The following BRWD1 variants were observed in gnomAD, a reference collection of about 807,000 sequenced individuals.
The protein encoded by BRWD1 is bromodomain and WD repeat-containing protein 1.
Under a neutral mutation model 251.2 loss-of-function variants are expected in BRWD1, and 82 were observed. The ratio of observed to expected loss-of-function variants is 0.33; its 90% CI spans 0.27 to 0.39. The LOEUF is 0.39. Among genes scored for constraint, BRWD1 ranks in the 10% least tolerant of loss-of-function variants. The pLI, the probability that BRWD1 is intolerant of heterozygous loss-of-function variation, is 1.00. For synonymous variants in BRWD1, 918 were observed against 902.8 expected (o/e 1.02, Z -0.30); for missense variants, 2,233 against 2,711.6 (o/e 0.82, Z 3.92).
rs1318842332 is a variant in BRWD1, at chr21:39,313,266, G to A, written c.83C>T (p.Ala28Val). The change falls in exon 2 of 41, where the codon GCG (alanine) becomes GTG (valine). Residue 28 changes from alanine (A) to valine (V), a missense_variant. Coordinates refer to ENST00000342449, the MANE Select transcript of BRWD1 (RefSeq NM_033656.4). ...CTGGGCCGCTCTCCGACACGGGCCC[G>A]CCGATAGGTACCGGGCGATAAGGAA... is the stretch of plus-strand genomic sequence containing the variant. ...LYFLIARYLS[A>V]GPCRRAAQVL... 1.3e-6 allele frequency: 2 copies of A among 1,562,352 alleles called. No individual in the cohort carries two copies. The highest frequency in any genetic ancestry group is 2.4e-5 in the East Asian group (1 of 41,256).
Position 39,298,003 on chromosome 21 carries a change from G to C in BRWD1, c.349+429C>G, listed in dbSNP as rs796327016. 4.1e-6 allele frequency: 4 copies of C among 985,866 alleles called. No homozygotes were observed. In the African/African-American group the frequency reaches 7.0e-5, roughly 17 times the overall value. The allele number at this position is 985,866 out of a possible 1,614,324, so 61.1% of individuals were successfully genotyped here. ...CATTTGTGGTGCTTGTTTTCAAGCT[G>C]CTACCAAATTTAGAAAATCACTTCC... On this transcript the variant is annotated intron_variant, in intron 5 of 40. Coordinates refer to ENST00000342449, the MANE Select transcript of BRWD1 (RefSeq NM_033656.4).
chr21:39,285,750 A>G (rs1055523003), intron 8 of BRWD1, among the ~76,000 whole-genome samples: 10 of 151,692 alleles, frequency 6.6e-5, no homozygotes, highest in Admixed American at 5.3e-4. Context: ...GCAAAACCCC[A>G]TCTCTACTCA....
chr21:39,234,469 A>G (rs1243799504), intron 23 of BRWD1, among the ~76,000 whole-genome samples: 1 of 152,242 alleles, frequency 6.6e-6, no homozygotes, highest in South Asian at 2.1e-4. Flanking sequence ...TTTTGCTTTG[A>G]TAAAGATAAC....
chr21:39,216,433 G>A (rs1270701267), intron 31 of BRWD1, among the ~76,000 whole-genome samples: 2 of 152,092 alleles, frequency 1.3e-5, no homozygotes, highest in Admixed American at 6.6e-5. Flanking sequence ...GAGGGTTGAG[G>A]CCCTGACTCG....
intron 21 of BRWD1, among the ~76,000 whole-genome samples, chr21:39,244,908 A>AAACTT (rs1568908930): frequency 7.2e-6 from 1 of 139,786 alleles, no homozygotes; most frequent in African/African-American, 2.7e-5. Context: ...TTACATATAG[A>AAACTT]AACTTTGGAA....
At chr21:39,232,780 G>A (rs951594295) in intron 23 of BRWD1, among the ~76,000 whole-genome samples, 3 of 152,122 alleles carry the variant, frequency 2.0e-5, no homozygotes, top group African/African-American at 7.2e-5. Flanking sequence ...CTAATACCCA[G>A]CCTAAATCCT....
At chr21:39,308,285 T>C (rs149820539) in intron 4 of BRWD1, among the ~76,000 whole-genome samples, 14,481 of 152,056 alleles carry the variant, frequency 0.095, 822 homozygotes, top group East Asian at 0.14. Flanking sequence ...AGTTCGAGAC[T>C]AGCCGGGCCA....
intron 21 of BRWD1, among the ~76,000 whole-genome samples, chr21:39,246,941 GCCACCACTCACCTGTAGCCCCAGC>G (rs1319837390): frequency 1.3e-5 from 2 of 152,090 alleles, no homozygotes; most frequent in African/African-American, 2.4e-5. Flanking sequence ...AATTAGCTGG[GCCACCACTCACCTGTAGCCCCAGC>G]TACTCGGGAG....
upstream of BRWD1, chr21:39,314,355 G>C (rs1376168383): frequency 6.6e-6 from 3 of 455,654 alleles, no homozygotes; most frequent in African/African-American, 4.0e-5. Flanking sequence ...TCGCCGAGGG[G>C]GTGCGAGTCG....
rs1568987830 is a variant in BRWD1, at chr21:39,313,565, C to T, written c.-74G>A. 3.3e-6 allele frequency: 4 copies of T among 1,214,968 alleles called. No homozygotes were observed. Among genetic ancestry groups the T allele is most frequent in the Non-Finnish European group, 4.2e-6 (4 of 962,780 alleles). The allele number at this position is 1,214,968 out of a possible 1,614,324, so 75.3% of individuals were successfully genotyped here. A position where few individuals can be genotyped will look rare whatever the true frequency, so the allele number is the denominator to read the frequency against. On this transcript the variant is annotated 5_prime_UTR_variant, in exon 1 of 41. Transcript: ENST00000342449. Reference sequence around the variant, plus strand: ...TAGGCCGCGCCGAGGCCTGACCGGGCTGGCGTCCCCTCTTCTCAGGCGCGC... The same window carrying T: ...TAGGCCGCGCCGAGGCCTGACCGGGTTGGCGTCCCCTCTTCTCAGGCGCGC...
Position 39,313,358 on chromosome 21 carries a change from A to AGCCGGGGGAGCCC in BRWD1, c.50-60_50-59insGGGCTCCCCCGGC, listed in dbSNP as rs1568987332. On this transcript the variant is annotated intron_variant, in intron 1 of 40. Transcript: ENST00000342449. Reference sequence around the variant, plus strand: ...GCGGGGAGGGGAGGGGGACGGGGCCAGGGGAGCCGGGGGAGCCCGGGGAGC... The same window carrying AGCCGGGGGAGCCC: ...GCGGGGAGGGGAGGGGGACGGGGCCAGCCGGGGGAGCCCGGGGAGCCGGGGGAGCCCGGGGAGC... The AGCCGGGGGAGCCC allele has an allele frequency of 1.4e-3, 2,000 of 1,462,914 alleles. 23 individuals carry two copies. The African/African-American group carries it at 0.018, about 13-fold the overall frequency. 90.6% of individuals were successfully genotyped at this position (1,462,914 alleles called of 1,614,324 possible).
Position 39,195,518 on chromosome 21 carries a change from G to A in BRWD1, c.*741C>T. The A allele has an allele frequency of 2.0e-6, 2 of 984,210 alleles. No individual in the cohort carries two copies. The highest frequency in any genetic ancestry group is 2.4e-6 in the Non-Finnish European group (2 of 828,510). The allele number at this position is 984,210 out of a possible 1,614,324, so 61.0% of individuals were successfully genotyped here. A position where few individuals can be genotyped will look rare whatever the true frequency, so the allele number is the denominator to read the frequency against. ...CATTTTGTTAGTGCACAATTTAAAA[G>A]AAAATGCTCTGACTATGCTCTGGTC... is the stretch of plus-strand genomic sequence containing the variant. On this transcript the variant is annotated 3_prime_UTR_variant, in exon 41 of 41. Transcript: ENST00000342449.
At position 39,196,784 on chromosome 21, in the gene BRWD1, C is replaced by T; in HGVS notation, c.6285G>A (p.Arg2095=). The T allele has an allele frequency of 6.2e-7, 1 of 1,613,238 alleles. No individual in the cohort carries two copies. Among genetic ancestry groups the T allele is most frequent in the Non-Finnish European group, 8.5e-7 (1 of 1,179,890 alleles). ...AGGTCCTGAGTCTTCTGCCATTCCACCTGCGCAGCCCATAATTCAGTTCCA... is the reference window on the plus strand; with the variant it reads ...AGGTCCTGAGTCTTCTGCCATTCCATCTGCGCAGCCCATAATTCAGTTCCA... ...FEVELNYGLR[R]WNGRRLRTYG... is the part of the protein sequence containing the mutation. Residue 2095 remains arginine, a synonymous_variant, in exon 41 of 41, where the codon AGG becomes AGA. Coordinates refer to ENST00000342449, the MANE Select transcript of BRWD1 (RefSeq NM_033656.4).
At chr21:39,298,645 G>A in intron 4 of BRWD1, 63 bp from the exon 5 acceptor site, 2 of 1,359,072 alleles carry the variant, frequency 1.5e-6, no homozygotes, top group South Asian at 3.4e-5. Context: ...TAAATACTTA[G>A]GGATAAGTCT....
At chr21:39,316,548 T>A (rs2036700513), upstream of BRWD1, among the ~76,000 whole-genome samples, 1 of 152,184 alleles carries the variant, frequency 6.6e-6, no homozygotes. Context: ...AAAAACCCCC[T>A]AAAGATATTA....
chr21:39,190,164 TAACA>T lies in BRWD1; in HGVS notation c.*6091_*6094del. Reference sequence around the variant, plus strand: ...GTGAATAGAAACCTGGATACAAACATAACAGTTCTGACTCAACACAATCTCTAGT... The same window carrying T: ...GTGAATAGAAACCTGGATACAAACATGTTCTGACTCAACACAATCTCTAGT... On this transcript the variant is annotated 3_prime_UTR_variant, in exon 41 of 41. Coordinates refer to ENST00000342449, the MANE Select transcript of BRWD1 (RefSeq NM_033656.4). The T allele has an allele frequency of 2.0e-6, 2 of 984,838 alleles. No homozygotes were observed. Among genetic ancestry groups the T allele is most frequent in the Non-Finnish European group, 2.4e-6 (2 of 829,412 alleles). The allele number at this position is 984,838 out of a possible 1,614,324, so 61.0% of individuals were successfully genotyped here.
intron 35 of BRWD1, among the ~76,000 whole-genome samples, 163 bp downstream of exon 35, chr21:39,210,623 G>A (rs1012019571): frequency 1.3e-5 from 2 of 152,068 alleles, no homozygotes; most frequent in African/African-American, 2.4e-5. Flanking sequence ...ATAAATTGAA[G>A]AAAACTATGT....
chr21:39,291,776 C>T (rs1410777499), intron 8 of BRWD1, among the ~76,000 whole-genome samples: 1 of 152,164 alleles, frequency 6.6e-6, no homozygotes, highest in East Asian at 1.9e-4. Flanking sequence ...TTCCTTAGTG[C>T]ATCTGCACAC....
intron 4 of BRWD1, among the ~76,000 whole-genome samples, chr21:39,309,202 G>A (rs1007227627): frequency 6.6e-6 from 1 of 151,670 alleles, no homozygotes; most frequent in African/African-American, 2.4e-5. Context: ...ATCAGGGAAG[G>A]TGTGGTGGCT....
Sources: gnomAD v4.1 joint callset for allele counts (sites outside exome capture counted in the v4.1 genomes callset) on GRCh38, gnomAD v4.1.1 for gene constraint, MANE v1.5 for transcripts, NCBI Gene and HGNC (gene_info 2026-07-23, HGNC 2026-07-21) for gene names.